HPSE2: variants seen among roughly 807,000 people sequenced by gnomAD.
HPSE2 encodes the protein inactive heparanase-2.
In HPSE2, 38 loss-of-function variants were observed where a neutral mutation model predicts 60.5. The ratio of observed to expected loss-of-function variants is 0.63; its 90% CI spans 0.48 to 0.82. HPSE2 has a LOEUF of 0.82. HPSE2 is among the 40% of genes least tolerant of loss of function. The pLI is 0.00. For synonymous variants in HPSE2, 295 were observed against 293.2 expected, an observed-to-expected ratio of 1.01 and a Z score of -0.06; for missense variants, 713 against 740.4, an observed-to-expected ratio of 0.96 and a Z score of 0.43.
At chr10:99,074,613 G>A (rs773199911) in intron 3 of HPSE2, among the ~76,000 whole-genome samples, 20 of 152,070 alleles carry the variant, frequency 1.3e-4, no homozygotes, top group East Asian at 1.9e-4. Flanking sequence ...GTTTTTGGAC[G>A]AGTTTGAGAA....
At chr10:98,661,838 CT>C (rs1399307293) in intron 6 of HPSE2, among the ~76,000 whole-genome samples, 1 of 152,154 alleles carries the variant, frequency 6.6e-6, no homozygotes, top group Admixed American at 6.5e-5. Flanking sequence ...CACTATGCAG[CT>C]GTGTGGCCTT....
intron 5 of HPSE2, among the ~76,000 whole-genome samples, chr10:98,703,212 A>G (rs1948458246): frequency 6.6e-6 from 1 of 152,152 alleles, no homozygotes; most frequent in South Asian, 2.1e-4. Flanking sequence ...GGAAACATAT[A>G]CCCTCCCAAG....
At chr10:98,476,571 C>A (rs898699262) in intron 11 of HPSE2, among the ~76,000 whole-genome samples, 1 of 151,990 alleles carries the variant, frequency 6.6e-6, no homozygotes, top group African/African-American at 2.4e-5. Context: ...AGGTGGATCA[C>A]CTGAGGTCAG....
At chr10:98,611,063 G>C (rs1000873225) in intron 9 of HPSE2, among the ~76,000 whole-genome samples, 2 of 152,040 alleles carry the variant, frequency 1.3e-5, no homozygotes, top group East Asian at 1.9e-4. Flanking sequence ...CAGCTGTGGA[G>C]ACTCACACGT....
the HPSE2 span, among the ~76,000 whole-genome samples, chr10:99,314,303 T>C: frequency 1.3e-5 from 2 of 151,926 alleles, no homozygotes; most frequent in South Asian, 2.1e-4. Context: ...GTTGGGACTA[T>C]AGGTGCAGGC....
chr10:98,700,119 C>T (rs1292079474), intron 5 of HPSE2, among the ~76,000 whole-genome samples: 1 of 151,434 alleles, frequency 6.6e-6, no homozygotes, highest in Non-Finnish European at 1.5e-5. Context: ...CAATGACTTT[C>T]TTCACAGAAT....
the HPSE2 span, among the ~76,000 whole-genome samples, chr10:99,294,892 G>A: frequency 1.3e-5 from 2 of 151,878 alleles, no homozygotes; most frequent in African/African-American, 4.8e-5. Flanking sequence ...GTAAGTGGAG[G>A]TTGCAGTGAG....
chr10:98,619,175 C>G (rs1946003739), intron 8 of HPSE2, among the ~76,000 whole-genome samples: 1 of 151,972 alleles, frequency 6.6e-6, no homozygotes, highest in Admixed American at 6.5e-5. Flanking sequence ...TAATTAAGAA[C>G]AGCTGTTAGT....
At chr10:98,993,940 C>T (rs1956585789) in intron 3 of HPSE2, among the ~76,000 whole-genome samples, 1 of 152,200 alleles carries the variant, frequency 6.6e-6, no homozygotes, top group Non-Finnish European at 1.5e-5. Flanking sequence ...AGATTATCAA[C>T]ATACTTCTTT....
chr10:99,065,241 T>C (rs1842576857), intron 3 of HPSE2, among the ~76,000 whole-genome samples: 1 of 152,164 alleles, frequency 6.6e-6, no homozygotes, highest in South Asian at 2.1e-4. Context: ...AAAACTGTGT[T>C]AAGCTCAGAG....
At chr10:98,905,631 G>A (rs568812135) in intron 3 of HPSE2, among the ~76,000 whole-genome samples, 1 of 151,974 alleles carries the variant, frequency 6.6e-6, no homozygotes, top group South Asian at 2.1e-4. Context: ...AAACACAACT[G>A]GTTATAAAAT....
intron 3 of HPSE2, among the ~76,000 whole-genome samples, chr10:98,997,025 A>T (rs972248620): frequency 5.3e-5 from 8 of 152,064 alleles, no homozygotes; most frequent in Admixed American, 6.6e-5. Flanking sequence ...ATATCTCAAT[A>T]AAAAAATTTT....
the HPSE2 span, among the ~76,000 whole-genome samples, chr10:99,271,020 A>T: frequency 2.0e-5 from 3 of 152,178 alleles, no homozygotes; most frequent in Non-Finnish European, 4.4e-5. Flanking sequence ...CAGGCCCACA[A>T]CCAACATAAT....
chr10:98,556,612 G>C (rs1178723031), intron 9 of HPSE2, among the ~76,000 whole-genome samples: 1 of 152,060 alleles, frequency 6.6e-6, no homozygotes, highest in Admixed American at 6.6e-5. Flanking sequence ...AATGAAAGTA[G>C]GTAAGACCTC....
chr10:99,091,602 T>G (rs1411902892), intron 3 of HPSE2, among the ~76,000 whole-genome samples: 1 of 152,146 alleles, frequency 6.6e-6, no homozygotes, highest in Admixed American at 6.6e-5. Flanking sequence ...ACAAAAAAAA[T>G]GAAGGCACAA....
At chr10:99,285,609 T>C in the HPSE2 span, among the ~76,000 whole-genome samples, 1 of 151,452 alleles carries the variant, frequency 6.6e-6, no homozygotes, top group Non-Finnish European at 1.5e-5. Context: ...GTGATGGACT[T>C]GAATAGACAC....
chr10:98,604,631 G>C (rs918049430), intron 9 of HPSE2, among the ~76,000 whole-genome samples: 1 of 152,180 alleles, frequency 6.6e-6, no homozygotes, highest in Admixed American at 6.5e-5. Context: ...AAAGACAGTC[G>C]TAAGTACTAT....
the HPSE2 span, among the ~76,000 whole-genome samples, chr10:99,244,428 A>T: frequency 9.1e-6 from 1 of 110,408 alleles, no homozygotes; most frequent in Non-Finnish European, 2.0e-5. Context: ...ATTATTTGAG[A>T]CACGGTCTCA....
At chr10:99,304,437 G>GT in the HPSE2 span, among the ~76,000 whole-genome samples, 32 of 152,370 alleles carry the variant, frequency 2.1e-4, no homozygotes, top group African/African-American at 6.5e-4. Context: ...TCACAGAGCT[G>GT]TAACACTGCT....
Sources: allele counts gnomAD v4.1 joint callset (sites outside exome capture counted in the v4.1 genomes callset), GRCh38; gene constraint gnomAD v4.1.1; transcripts MANE v1.5; gene names NCBI Gene and HGNC (gene_info 2026-07-23, HGNC 2026-07-21).